Variants in NRG4 observed in about 807,000 individuals in gnomAD.
The protein encoded by NRG4 is neuregulin 4, also known as pro-neuregulin-4, membrane-bound isoform.
A neutral mutation model predicts 15.0 loss-of-function variants in NRG4; 10 were observed. That is an observed-to-expected ratio of 0.67 (90% confidence interval 0.41 to 1.13). NRG4 has a LOEUF of 1.13. Among genes scored for constraint, NRG4 ranks in the 50% most tolerant of loss-of-function variants. The probability of loss-of-function intolerance (pLI) is 0.00; values close to 1 mark genes in which losing one functional copy is unlikely to be tolerated. For missense variants in NRG4, 139 were observed against 140.2 expected (o/e 0.99, Z 0.04); for synonymous variants, 41 against 50.1 (o/e 0.82, Z 0.77).
chr15:76,032,348 T>G (rs191491577), intron 5 of NRG4, among the ~76,000 whole-genome samples: 43 of 151,784 alleles, frequency 2.8e-4, no homozygotes, highest in African/African-American at 1.0e-3. Flanking sequence ...AAAACCACAG[T>G]AGAGACCATT....
At chr15:76,002,225 A>T (rs190482275) in intron 3 of NRG4, among the ~76,000 whole-genome samples, 1 of 152,252 alleles carries the variant, frequency 6.6e-6, no homozygotes, top group Non-Finnish European at 1.5e-5. Flanking sequence ...GTTAGAAGAT[A>T]CTTGCATTGT....
intron 2 of NRG4, among the ~76,000 whole-genome samples, chr15:76,056,445 C>T (rs1445721831): frequency 2.6e-5 from 4 of 150,974 alleles, no homozygotes; most frequent in Non-Finnish European, 5.9e-5. Flanking sequence ...ACAACAAGAG[C>T]GAAACTCCGT....
intron 3 of NRG4, among the ~76,000 whole-genome samples, chr15:75,998,623 C>T (rs1401105137): frequency 1.3e-5 from 2 of 152,142 alleles, no homozygotes; most frequent in African/African-American, 2.4e-5. Flanking sequence ...TGGCTTTTAT[C>T]TGAGTGAGAC....
At chr15:76,005,952 C>T (rs1488104598) in intron 3 of NRG4, 9 of 246,182 alleles carry the variant, frequency 3.7e-5, no homozygotes, top group Non-Finnish European at 5.0e-5. Flanking sequence ...TGGTAGAAGG[C>T]TGAAAGAGCT....
intron 4 of NRG4, among the ~76,000 whole-genome samples, chr15:75,958,699 TTATATA>T (rs138803978): frequency 1.3e-5 from 2 of 152,094 alleles, no homozygotes; most frequent in Non-Finnish European, 2.9e-5. Flanking sequence ...CTTCTTGTTC[TTATATA>T]TATACGCTTT....
chr15:75,955,407 T>C (rs1567074448), intron 5 of NRG4, among the ~76,000 whole-genome samples: 1 of 152,240 alleles, frequency 6.6e-6, no homozygotes, highest in Non-Finnish European at 1.5e-5. Flanking sequence ...CTTTGATGAC[T>C]GATAGCAATG....
chr15:75,986,258 T>G (rs1399918533), intron 3 of NRG4, among the ~76,000 whole-genome samples: 1 of 152,174 alleles, frequency 6.6e-6, no homozygotes, highest in East Asian at 1.9e-4. Context: ...GAATTCACAT[T>G]CCTACCCAGG....
intron 4 of NRG4, among the ~76,000 whole-genome samples, chr15:76,038,819 G>A (rs1034142556): frequency 7.9e-5 from 12 of 152,182 alleles, no homozygotes; most frequent in Non-Finnish European, 1.8e-4. Context: ...CCAGTGCTGT[G>A]CTGGCTTCAG....
At chr15:75,978,019 G>T (rs1294664039) in intron 3 of NRG4, among the ~76,000 whole-genome samples, 1 of 152,048 alleles carries the variant, frequency 6.6e-6, no homozygotes, top group Non-Finnish European at 1.5e-5. Flanking sequence ...ATTTCACCAT[G>T]TTGGCCAGGC....
intron 3 of NRG4, among the ~76,000 whole-genome samples, chr15:75,980,014 T>C (rs537276813): frequency 6.6e-6 from 1 of 152,312 alleles, no homozygotes; most frequent in Non-Finnish European, 1.5e-5. Flanking sequence ...AAGACGTTTG[T>C]GGCTATATAT....
intron 3 of NRG4, chr15:76,005,679 GAAAAAAAAA>G: frequency 6.7e-6 from 1 of 148,532 alleles, no homozygotes; most frequent in Non-Finnish European, 1.3e-5. Flanking sequence ...CTCTGTCTCA[GAAAAAAAAA>G]AAAAAAAAAA....
At chr15:76,034,837 C>T (rs1224520742) in intron 5 of NRG4, among the ~76,000 whole-genome samples, 1 of 152,070 alleles carries the variant, frequency 6.6e-6, no homozygotes, top group Admixed American at 6.5e-5. Flanking sequence ...GAACTGCATC[C>T]CCACCACCAC....
chr15:76,056,656 G>A (rs1410391074), intron 2 of NRG4, among the ~76,000 whole-genome samples: 1 of 152,072 alleles, frequency 6.6e-6, no homozygotes. Flanking sequence ...ATTTAGAAGA[G>A]CTTTCAAAAT....
At chr15:76,051,470 T>TAAATCACA (rs2036014820) in intron 4 of NRG4, among the ~76,000 whole-genome samples, 1 of 150,872 alleles carries the variant, frequency 6.6e-6, no homozygotes, top group African/African-American at 2.5e-5. Flanking sequence ...ATGTTATTTT[T>TAAATCACA]AAATCACAAA....
intron 4 of NRG4, among the ~76,000 whole-genome samples, chr15:76,041,817 T>G (rs1029216150): frequency 1.3e-5 from 2 of 152,176 alleles, no homozygotes; most frequent in Admixed American, 1.3e-4. Flanking sequence ...ATCTGTACTA[T>G]AGACCACATG....
At chr15:75,937,499 A>T (rs1202837487), downstream of NRG4, 5 of 108,592 alleles carry the variant, frequency 4.6e-5, no homozygotes, top group Non-Finnish European at 1.7e-5. Context: ...ATGGAGCAAG[A>T]CTCTGTCTCA....
At chr15:76,017,023 T>C (rs148699276), upstream of NRG4, among the ~76,000 whole-genome samples, 1 of 152,284 alleles carries the variant, frequency 6.6e-6, no homozygotes, top group African/African-American at 2.4e-5. Flanking sequence ...ATTGGGTGCA[T>C]ATATATTTAG....
At chr15:75,996,816 G>A (rs1031030538) in intron 3 of NRG4, among the ~76,000 whole-genome samples, 1 of 151,726 alleles carries the variant, frequency 6.6e-6, no homozygotes, top group Non-Finnish European at 1.5e-5. Context: ...GAATGTTTTC[G>A]GTGAAATGTA....
intron 5 of NRG4, among the ~76,000 whole-genome samples, chr15:75,945,016 A>G (rs2031399050): frequency 1.3e-5 from 2 of 151,802 alleles, no homozygotes; most frequent in Admixed American, 1.3e-4. Context: ...TGTGGATTCT[A>G]AAAAATAAGT....
Sources: gnomAD v4.1 joint callset for allele counts (sites outside exome capture counted in the v4.1 genomes callset) on GRCh38, gnomAD v4.1.1 for gene constraint, MANE v1.5 for transcripts, NCBI Gene and HGNC (gene_info 2026-07-23, HGNC 2026-07-21) for gene names.